Variants in GEMIN7 observed in about 807,000 individuals in gnomAD.
GEMIN7 encodes the protein gem-associated protein 7.
GEMIN7 carries 7 observed loss-of-function variants against 7.8 expected under a neutral mutation model. The observed-to-expected ratio is 0.90, with a 90% CI of 0.51 to 1.69. The LOEUF (loss-of-function observed/expected upper bound fraction) is 1.69, where lower values mean the gene tolerates loss of function less well. Ranked by LOEUF, GEMIN7 falls within the 40% of genes most tolerant of loss-of-function variation. The pLI is 0.00. For synonymous variants in GEMIN7, 68 were observed against 72.4 expected, an observed-to-expected ratio of 0.94 and a Z score of 0.31; for missense variants, 159 against 176.2, an observed-to-expected ratio of 0.90 and a Z score of 0.55.
upstream of GEMIN7, among the ~76,000 whole-genome samples, chr19:45,078,097 C>CTTTTTTTTT (rs57149861): frequency 1.0e-5 from 1 of 96,654 alleles, no homozygotes; most frequent in Non-Finnish European, 1.9e-5. Context: ...TTATTTTACT[C>CTTTTTTTTT]TTTTTTTTTT....
intron 2 of GEMIN7, among the ~76,000 whole-genome samples, chr19:45,089,027 C>T (rs764841180): frequency 2.6e-5 from 4 of 151,798 alleles, no homozygotes; most frequent in African/African-American, 7.3e-5. Flanking sequence ...CTGCAGCCTC[C>T]GCCTTTTGGG....
upstream of GEMIN7, among the ~76,000 whole-genome samples, chr19:45,078,195 G>A (rs1180282011): frequency 2.2e-5 from 3 of 138,364 alleles, no homozygotes; most frequent in Admixed American, 8.1e-5. Flanking sequence ...TCCGCCTCCC[G>A]GGTTCAAGTG....
At chr19:45,090,086 C>T (rs1967839272) in intron 2 of GEMIN7, 21 bp from the exon 3 acceptor site, 1 of 1,587,128 alleles carries the variant, frequency 6.3e-7, no homozygotes, top group South Asian at 1.1e-5. Context: ...TGACTTCCTG[C>T]TCTTTTTCTT....
chr19:45,081,961 C>T (rs559805935), intron 2 of GEMIN7, among the ~76,000 whole-genome samples: 2 of 152,222 alleles, frequency 1.3e-5, no homozygotes, highest in South Asian at 2.1e-4. Context: ...CCACTTCTCC[C>T]CATTCCCATT....
chr19:45,076,161 G>T, upstream of GEMIN7: 1 of 1,534,912 alleles, frequency 6.5e-7, no homozygotes, highest in Non-Finnish European at 8.7e-7. The surrounding 1 kb of genome is among the most constrained non-coding windows in gnomAD (Gnocchi z 4.9). Context: ...CGGGCATGGG[G>T]CCAGGGGAGT....
rs534380297 is a variant in GEMIN7, at chr19:45,081,992, G to A, written c.-9+1963G>A. On this transcript the variant is annotated intron_variant, in intron 2 of 2. Transcript: ENST00000270257. The stretch of plus-strand genomic sequence containing the variant: ...CCATTGTCCCCAGCCCATACTAGAC[G>A]CCATCTTCTTCCACCTGGACCACTA... 1.4e-3 allele frequency among the ~76,000 whole-genome samples: 210 copies of A among 152,154 alleles called. 4 individuals are homozygous for A. In the South Asian group the frequency reaches 0.041, roughly 30 times the overall value.
chr19:45,076,053 G>C (rs1967341336), upstream of GEMIN7: 2 of 1,575,740 alleles, frequency 1.3e-6, no homozygotes, highest in Non-Finnish European at 1.7e-6. The surrounding 1 kb of genome is among the most constrained non-coding windows in gnomAD (Gnocchi z 4.9). Flanking sequence ...AGGGAGGCTG[G>C]GCCCAGGGCC....
chr19:45,079,674 G>A (rs936045410), intron 1 of GEMIN7, among the ~76,000 whole-genome samples: 10 of 152,214 alleles, frequency 6.6e-5, no homozygotes, highest in African/African-American at 1.9e-4. Context: ...GACGCCTGGG[G>A]GCCGGGAGGA....
chr19:45,076,924 G>A (rs1173200707), upstream of GEMIN7: 1 of 152,324 alleles, frequency 6.6e-6, no homozygotes, highest in African/African-American at 2.4e-5. This position sits in a 1 kb window ranked among gnomAD's most constrained non-coding sequence, Gnocchi z 4.9. Context: ...TGTTTGCACG[G>A]AGTTCAGACG....
intron 2 of GEMIN7, among the ~76,000 whole-genome samples, chr19:45,088,858 C>T (rs979353523): frequency 7.2e-5 from 11 of 151,922 alleles, no homozygotes; most frequent in African/African-American, 2.4e-4. Context: ...TTGTGTTTGC[C>T]CTTTACAGTG....
At chr19:45,083,598 T>C (rs1000363910) in intron 2 of GEMIN7, among the ~76,000 whole-genome samples, 1 of 125,998 alleles carries the variant, frequency 7.9e-6, no homozygotes, top group African/African-American at 3.3e-5. Context: ...CAATTCTTCT[T>C]CTTTTTTTTT....
At position 45,090,177 on chromosome 19, in the gene GEMIN7, C is replaced by G; in HGVS notation, c.63C>G (p.Phe21Leu). ...VLRLPRGPDG[F>L]SRGFAPDGRR... ...GGCTGCCCCGGGGCCCTGATGGCTT[C>G]AGCCGTGGCTTTGCCCCTGATGGAC... The change falls in exon 3 of 3, where the codon TTC becomes TTG. Residue 21 changes from phenylalanine to leucine, a missense_variant. Phe to Leu is a conservative substitution (Grantham distance 22). Transcript: ENST00000270257. The G allele has an allele frequency of 6.2e-7, 1 of 1,614,198 alleles. No individual in the cohort carries two copies. Among genetic ancestry groups the G allele is most frequent in the Non-Finnish European group, 8.5e-7 (1 of 1,180,044 alleles).
intron 2 of GEMIN7, among the ~76,000 whole-genome samples, chr19:45,084,237 A>G (rs1294892327): frequency 6.7e-6 from 1 of 149,670 alleles, no homozygotes. Flanking sequence ...AAAAAAAGAA[A>G]TTAAAATTTA....
chr19:45,089,430 T>C (rs973408778), intron 2 of GEMIN7, among the ~76,000 whole-genome samples: 15 of 152,210 alleles, frequency 9.9e-5, no homozygotes, highest in African/African-American at 3.6e-4. Context: ...TAATTCCAGA[T>C]TTGGCCACTG....
At chr19:45,076,200 C>T, upstream of GEMIN7, 2 of 1,506,116 alleles carry the variant, frequency 1.3e-6, no homozygotes, top group Non-Finnish European at 8.8e-7. The surrounding 1 kb of genome is among the most constrained non-coding windows in gnomAD (Gnocchi z 4.9). Context: ...ACCGCCCCGC[C>T]GAGGACACCT....
chr19:45,085,316 T>C (rs1036535400), intron 2 of GEMIN7: 4 of 152,282 alleles, frequency 2.6e-5, no homozygotes, highest in African/African-American at 9.6e-5. Context: ...CAGGAGACGT[T>C]TGGCAATTCA....
intron 2 of GEMIN7, among the ~76,000 whole-genome samples, chr19:45,082,847 C>T (rs1328650590): frequency 6.6e-6 from 1 of 150,758 alleles, no homozygotes; most frequent in Non-Finnish European, 1.5e-5. Context: ...TCTTGAACTC[C>T]TACGCTAAAG....
At chr19:45,077,372 C>T (rs1463367272), upstream of GEMIN7, among the ~76,000 whole-genome samples, 1 of 152,226 alleles carries the variant, frequency 6.6e-6, no homozygotes, top group Non-Finnish European at 1.5e-5. Context: ...TCCACTCCGC[C>T]TCCTTGAACT....
chr19:45,087,584 G>C (rs1967737991), intron 2 of GEMIN7, among the ~76,000 whole-genome samples: 1 of 152,190 alleles, frequency 6.6e-6, no homozygotes, highest in Non-Finnish European at 1.5e-5. Context: ...AAGTGCAAGA[G>C]CCCAAGAAGG....
Sources: allele counts gnomAD v4.1 joint callset (sites outside exome capture counted in the v4.1 genomes callset), GRCh38; gene constraint gnomAD v4.1.1; non-coding constraint Gnocchi (gnomAD v3.1); transcripts MANE v1.5; gene names NCBI Gene and HGNC (gene_info 2026-07-23, HGNC 2026-07-21).